Variants in RBFOX1 observed in about 807,000 individuals in gnomAD.
RBFOX1 encodes the protein RNA binding protein fox-1 homolog 1.
In RBFOX1, 8 loss-of-function variants were observed where a neutral mutation model predicts 57.7. The ratio of observed to expected loss-of-function variants is 0.14; its 90% CI spans 0.08 to 0.25. The LOEUF is 0.25. Ranked by LOEUF, RBFOX1 falls within the 10% of genes least tolerant of loss-of-function variation. The pLI is 1.00. For missense variants in RBFOX1, 611 were observed against 548.5 expected (o/e 1.11, Z -1.14); for synonymous variants, 326 against 222.4 (o/e 1.47, Z -4.15).
intron 2 of RBFOX1, among the ~76,000 whole-genome samples, chr16:6,321,857 T>C (rs1307656929): frequency 6.6e-6 from 1 of 152,220 alleles, no homozygotes; most frequent in African/African-American, 2.4e-5. Flanking sequence ...CACTTCTACG[T>C]TGGTAGGTTT....
intron 1 of RBFOX1, among the ~76,000 whole-genome samples, chr16:6,212,897 A>G (rs557789207): frequency 6.6e-6 from 1 of 152,338 alleles, no homozygotes; most frequent in East Asian, 1.9e-4. Flanking sequence ...TCTGTTATTA[A>G]CGAAGAATTG....
chr16:7,364,397 C>T (rs1032181265), intron 4 of RBFOX1, among the ~76,000 whole-genome samples: 1 of 152,076 alleles, frequency 6.6e-6, no homozygotes, highest in Non-Finnish European at 1.5e-5. Context: ...GGTGCTAATT[C>T]ATAGATCTTG....
At chr16:6,505,760 G>C (rs771014860) in intron 2 of RBFOX1, among the ~76,000 whole-genome samples, 2 of 152,192 alleles carry the variant, frequency 1.3e-5, no homozygotes, top group African/African-American at 4.8e-5. Flanking sequence ...AATCACATAC[G>C]TAAGAGTGGT....
intron 4 of RBFOX1, among the ~76,000 whole-genome samples, chr16:7,055,688 C>T (rs886218902): frequency 6.6e-6 from 1 of 152,184 alleles, no homozygotes; most frequent in African/African-American, 2.4e-5. Context: ...CGATTGGCTA[C>T]AGCAGTTATG....
chr16:6,895,257 C>A (rs543737745), intron 3 of RBFOX1, among the ~76,000 whole-genome samples: 4 of 151,536 alleles, frequency 2.6e-5, no homozygotes, highest in African/African-American at 4.8e-5. Context: ...TGTATATCCC[C>A]AGTGGTTCCT....
At chr16:7,103,975 T>A (rs1399537523) in intron 4 of RBFOX1, among the ~76,000 whole-genome samples, 1 of 152,188 alleles carries the variant, frequency 6.6e-6, no homozygotes, top group African/African-American at 2.4e-5. Flanking sequence ...TTTACACAAC[T>A]TGCTCCCTAT....
At chr16:6,874,409 C>T (rs2153276424) in intron 3 of RBFOX1, among the ~76,000 whole-genome samples, 2 of 146,458 alleles carry the variant, frequency 1.4e-5, no homozygotes, top group South Asian at 2.2e-4. Context: ...ACTTAGGAGG[C>T]TGAGGCAGGA....
At chr16:6,588,265 G>A (rs4238869) in intron 2 of RBFOX1, among the ~76,000 whole-genome samples, 73,137 of 151,472 alleles carry the variant, frequency 0.48, 18,477 homozygotes, top group East Asian at 0.69. Context: ...TTGCTATACA[G>A]CCACAAAACA....
At chr16:5,743,008 A>G (rs896530598) in intron 3 of RBFOX1, among the ~76,000 whole-genome samples, 7 of 152,342 alleles carry the variant, frequency 4.6e-5, no homozygotes, top group African/African-American at 1.7e-4. Context: ...CATTAACAAT[A>G]GAGATAGCAA....
chr16:6,339,439 C>G (rs1049350788), intron 2 of RBFOX1, among the ~76,000 whole-genome samples: 6 of 152,142 alleles, frequency 3.9e-5, no homozygotes, highest in Non-Finnish European at 8.8e-5. Flanking sequence ...AAATCCATCT[C>G]CCGGAGGAGC....
At chr16:6,013,158 T>C (rs2094971815) in intron 4 of RBFOX1, among the ~76,000 whole-genome samples, 1 of 152,204 alleles carries the variant, frequency 6.6e-6, no homozygotes, top group Non-Finnish European at 1.5e-5. Context: ...AAGTAGTAGA[T>C]ATGGAATATG....
chr16:6,539,042 G>C (rs998268602), intron 2 of RBFOX1, among the ~76,000 whole-genome samples: 4 of 151,658 alleles, frequency 2.6e-5, no homozygotes, highest in South Asian at 4.2e-4. Context: ...TATATGATTT[G>C]AATAAAAGTC....
At chr16:6,713,073 A>G (rs894423649) in intron 3 of RBFOX1, among the ~76,000 whole-genome samples, 1 of 151,828 alleles carries the variant, frequency 6.6e-6, no homozygotes, top group African/African-American at 2.4e-5. Context: ...ATGTGAAACC[A>G]TGAGTCTATT....
At chr16:6,418,365 G>A (rs1186202416) in intron 2 of RBFOX1, among the ~76,000 whole-genome samples, 1 of 151,938 alleles carries the variant, frequency 6.6e-6, no homozygotes, top group Non-Finnish European at 1.5e-5. Context: ...TAGGACTAAG[G>A]GCACATAATA....
At chr16:6,725,510 G>A (rs780726940) in intron 3 of RBFOX1, among the ~76,000 whole-genome samples, 1 of 151,996 alleles carries the variant, frequency 6.6e-6, no homozygotes, top group Non-Finnish European at 1.5e-5. Context: ...TCAGTTTTGG[G>A]AATTGCCCAC....
intron 2 of RBFOX1, among the ~76,000 whole-genome samples, chr16:6,497,989 C>A (rs1441227085): frequency 6.6e-6 from 1 of 151,966 alleles, no homozygotes; most frequent in South Asian, 2.1e-4. Context: ...TGGTTCATGC[C>A]TGTAATCCCA....
intron 4 of RBFOX1, among the ~76,000 whole-genome samples, chr16:7,191,268 T>A (rs1259237818): frequency 6.6e-6 from 1 of 151,910 alleles, no homozygotes; most frequent in Non-Finnish European, 1.5e-5. Flanking sequence ...GTAATTCCAG[T>A]CATGGCACAT....
At chr16:7,163,291 T>C (rs186698119) in intron 4 of RBFOX1, among the ~76,000 whole-genome samples, 5 of 152,296 alleles carry the variant, frequency 3.3e-5, no homozygotes, top group African/African-American at 1.2e-4. Flanking sequence ...TGTATAAACG[T>C]CACTGTGGAG....
intron 1 of RBFOX1, among the ~76,000 whole-genome samples, chr16:6,034,176 A>T (rs1284874530): frequency 6.6e-6 from 1 of 151,782 alleles, no homozygotes; most frequent in African/African-American, 2.4e-5. Flanking sequence ...CTCTACTAAA[A>T]ATACAAAAAT....
Sources: gnomAD v4.1 joint callset for allele counts (sites outside exome capture counted in the v4.1 genomes callset) on GRCh38, gnomAD v4.1.1 for gene constraint, MANE v1.5 for transcripts, NCBI Gene and HGNC (gene_info 2026-07-23, HGNC 2026-07-21) for gene names.